NAV2: variants seen among roughly 807,000 people sequenced by gnomAD.
NAV2 encodes neuron navigator 2.
A neutral mutation model predicts 223.2 loss-of-function variants in NAV2; 54 were observed. The observed-to-expected ratio is 0.24, with a 90% CI of 0.19 to 0.30. NAV2 has a LOEUF of 0.30. NAV2 is among the 10% of genes least tolerant of loss of function. NAV2 has a pLI of 1.00. For synonymous variants in NAV2, 1,279 were observed against 1,239.3 expected, an observed-to-expected ratio of 1.03 and a Z score of -0.67; for missense variants, 2,806 against 3,147.5, an observed-to-expected ratio of 0.89 and a Z score of 2.60.
chr11:20,072,417 A>T (rs1478625553), intron 22 of NAV2, among the ~76,000 whole-genome samples: 1 of 150,722 alleles, frequency 6.6e-6, no homozygotes. Context: ...GGCTAGGCAG[A>T]CTCTTTTTTG....
At chr11:19,555,758 G>A (rs1433308381) in intron 1 of NAV2, among the ~76,000 whole-genome samples, 2 of 152,078 alleles carry the variant, frequency 1.3e-5, no homozygotes, top group Non-Finnish European at 2.9e-5. Flanking sequence ...CCACCACCAA[G>A]GAACAATAGT....
At position 19,415,015 on chromosome 11, in the gene NAV2, C is replaced by T. The variant is rs1430318596; in HGVS notation, c.75+63988C>T. 2.0e-5 allele frequency among the ~76,000 whole-genome samples: 3 copies of T among 151,972 alleles called. No homozygotes were observed. In the East Asian group the frequency reaches 5.8e-4, roughly 29 times the overall value. On this transcript the variant is annotated intron_variant, in intron 1 of 37. Transcript: ENST00000360655. ...GCAGGAAGGATCTAAAATTGACACC[C>T]TAACATCATAATTAAAAGTACTAGT...
At chr11:19,444,183 C>T (rs572022167) in intron 1 of NAV2, among the ~76,000 whole-genome samples, 28 of 152,248 alleles carry the variant, frequency 1.8e-4, no homozygotes, top group African/African-American at 6.3e-4. Flanking sequence ...CCTTGTGATC[C>T]GCCTGCCTGG....
At chr11:20,064,633 T>C (rs937585018) in intron 20 of NAV2, among the ~76,000 whole-genome samples, 2 of 152,172 alleles carry the variant, frequency 1.3e-5, no homozygotes, top group African/African-American at 4.8e-5. Flanking sequence ...TGCCAACCAC[T>C]AGAAGTCCTT....
chr11:19,586,478 T>C (rs2045900616), intron 1 of NAV2, among the ~76,000 whole-genome samples: 1 of 152,244 alleles, frequency 6.6e-6, no homozygotes, highest in South Asian at 2.1e-4. Context: ...TTTCCAGTTT[T>C]TCTGCTCTGT....
intron 1 of NAV2, among the ~76,000 whole-genome samples, chr11:19,680,752 G>A (rs940179727): frequency 1.3e-5 from 2 of 152,220 alleles, no homozygotes; most frequent in African/African-American, 4.8e-5. Context: ...AAAGGAACTG[G>A]CATATGGCAA....
At chr11:19,697,587 G>A (rs976075466) in intron 1 of NAV2, among the ~76,000 whole-genome samples, 2 of 152,036 alleles carry the variant, frequency 1.3e-5, no homozygotes, top group African/African-American at 4.8e-5. Context: ...GGTGCAGGTG[G>A]CAAAAGAAAA....
In NAV2 at chr11:19,831,227, G is replaced by GA. The variant is rs1374687649; in HGVS notation, c.268-1257_268-1256insA. On this transcript the variant is annotated intron_variant, in intron 1 of 37. Transcript: ENST00000349880. ...GTTCCCATTCCAGGAGTGTTGCGGGGGGGGGGGGGGCGCGATGGGGAGTGG... is the reference window on the plus strand; with the variant it reads ...GTTCCCATTCCAGGAGTGTTGCGGGGAGGGGGGGGGGCGCGATGGGGAGTGG... Among the ~76,000 whole-genome samples, 5 of 111,948 alleles carry GA rather than the reference G, an allele frequency of 4.5e-5. 1 individual carries two copies. Among genetic ancestry groups the GA allele is most frequent in the African/African-American group, 1.5e-4 (4 of 26,542 alleles). 73.4% of individuals were successfully genotyped at this position (111,948 alleles called of 152,430 possible). A position where few individuals can be genotyped will look rare whatever the true frequency, so the allele number is the denominator to read the frequency against.
chr11:19,932,236 CAAAAAAAAA>C (rs398015484), intron 6 of NAV2, among the ~76,000 whole-genome samples: 22 of 78,990 alleles, frequency 2.8e-4, no homozygotes, highest in African/African-American at 8.5e-4. Context: ...CACTCTTAAG[CAAAAAAAAA>C]AAAAAAAAAA....
intron 1 of NAV2, among the ~76,000 whole-genome samples, chr11:19,754,737 C>A (rs960010078): frequency 6.6e-6 from 1 of 152,112 alleles, no homozygotes; most frequent in African/African-American, 2.4e-5. Flanking sequence ...AATATTGGTA[C>A]CCAATTTAGA....
intron 7 of NAV2, among the ~76,000 whole-genome samples, chr11:19,935,093 G>A (rs754715665): frequency 6.6e-6 from 1 of 152,154 alleles, no homozygotes; most frequent in Non-Finnish European, 1.5e-5. Context: ...TCATACACAT[G>A]GATGAGTCCA....
At chr11:19,593,908 G>T (rs559559778) in intron 1 of NAV2, among the ~76,000 whole-genome samples, 29 of 152,152 alleles carry the variant, frequency 1.9e-4, no homozygotes, top group African/African-American at 6.7e-4. Context: ...TTAATGTGGA[G>T]TTTTGAGTAT....
intron 36 of NAV2, among the ~76,000 whole-genome samples, chr11:20,114,162 T>C (rs960435845): frequency 2.6e-5 from 4 of 152,198 alleles, no homozygotes; most frequent in African/African-American, 9.7e-5. Flanking sequence ...ATAGCACCTT[T>C]TTCCAACTCC....
chr11:19,490,385 C>T (rs748888418), intron 1 of NAV2, among the ~76,000 whole-genome samples: 5 of 152,206 alleles, frequency 3.3e-5, no homozygotes, highest in Non-Finnish European at 7.3e-5. Context: ...GGACTCAGTT[C>T]TCTCAAACCC....
At chr11:19,520,206 T>C (rs977098805) in intron 1 of NAV2, among the ~76,000 whole-genome samples, 8 of 152,202 alleles carry the variant, frequency 5.3e-5, no homozygotes, top group African/African-American at 1.9e-4. Flanking sequence ...TCTAATCCTT[T>C]TATTGCGATG....
chr11:19,429,813 C>A (rs995816843), intron 1 of NAV2, among the ~76,000 whole-genome samples: 12 of 152,168 alleles, frequency 7.9e-5, no homozygotes, highest in African/African-American at 2.9e-4. Context: ...AACCAGTTTG[C>A]TGAGTGGCCT....
At chr11:19,509,718 T>C (rs1454921761) in intron 1 of NAV2, among the ~76,000 whole-genome samples, 1 of 152,208 alleles carries the variant, frequency 6.6e-6, no homozygotes, top group Admixed American at 6.5e-5. Flanking sequence ...TCATCAATGT[T>C]TCCCCCCTAA....
intron 1 of NAV2, among the ~76,000 whole-genome samples, chr11:19,678,413 G>C (rs1013857673): frequency 1.3e-5 from 2 of 152,122 alleles, no homozygotes; most frequent in African/African-American, 4.8e-5. Context: ...CTGTCATCTC[G>C]CTGCAGGATC....
rs188966319 is a variant in NAV2, at chr11:19,704,809, A to G, written c.76-127675A>G. 3.6e-3 allele frequency among the ~76,000 whole-genome samples: 545 copies of G among 152,066 alleles called. 2 individuals are homozygous for G. Among genetic ancestry groups the G allele is most frequent in the African/African-American group, 0.013 (527 of 41,484 alleles). ...GGGTGGATCACGAGGTCAGGAGATCAAGACCATCCTGGCTAACAGGATGAA... is the reference window on the plus strand; with the variant it reads ...GGGTGGATCACGAGGTCAGGAGATCGAGACCATCCTGGCTAACAGGATGAA... On this transcript the variant is annotated intron_variant, in intron 1 of 37. Transcript: ENST00000360655.
Sources: gnomAD v4.1 joint callset for allele counts (sites outside exome capture counted in the v4.1 genomes callset) on GRCh38, gnomAD v4.1.1 for gene constraint, MANE v1.5 for transcripts, NCBI Gene and HGNC (gene_info 2026-07-23, HGNC 2026-07-21) for gene names.